The following TACR3 variants were observed in gnomAD, a reference collection of about 807,000 sequenced individuals.
TACR3 encodes neuromedin-K receptor.
A neutral mutation model predicts 35.0 loss-of-function variants in TACR3; 34 were observed. The ratio of observed to expected loss-of-function variants is 0.97; its 90% CI spans 0.74 to 1.30. The LOEUF is 1.30. Ranked by LOEUF, TACR3 falls within the 50% of genes most tolerant of loss-of-function variation. The pLI is 0.00. For synonymous variants in TACR3, 233 were observed against 221.1 expected (o/e 1.05, Z -0.48); for missense variants, 558 against 591.7 (o/e 0.94, Z 0.59).
intron 1 of TACR3, among the ~76,000 whole-genome samples, chr4:103,670,161 A>G (rs908305468): frequency 6.6e-6 from 1 of 151,892 alleles, no homozygotes; most frequent in African/African-American, 2.4e-5. Flanking sequence ...GATTTATTTC[A>G]TGGTTCTCTA....
chr4:103,687,155 ATC>A (rs907277022), intron 1 of TACR3, among the ~76,000 whole-genome samples: 3 of 152,200 alleles, frequency 2.0e-5, no homozygotes, highest in African/African-American at 7.2e-5. Flanking sequence ...CCACATGATT[ATC>A]TCAATAGATG....
chr4:103,598,505 G>T (rs1205976888), intron 3 of TACR3, among the ~76,000 whole-genome samples: 1 of 152,160 alleles, frequency 6.6e-6, no homozygotes, highest in African/African-American at 2.4e-5. Flanking sequence ...TGCTTTTGGT[G>T]TGTTAGACAT....
At chr4:103,618,754 G>A (rs1311066982) in intron 3 of TACR3, among the ~76,000 whole-genome samples, 1 of 151,762 alleles carries the variant, frequency 6.6e-6, no homozygotes, top group African/African-American at 2.4e-5. Flanking sequence ...ATTTATTTGT[G>A]TCCTCTCTGA....
At chr4:103,591,780 C>T (rs1723903194) in intron 3 of TACR3, 97 bp from the exon 4 acceptor site, 1 of 1,137,034 alleles carries the variant, frequency 8.8e-7, no homozygotes, top group South Asian at 1.3e-5. Context: ...CAGTTAAATA[C>T]ACATCATGCC....
intron 1 of TACR3, among the ~76,000 whole-genome samples, chr4:103,681,016 T>G (rs1722070857): frequency 6.6e-6 from 1 of 152,020 alleles, no homozygotes; most frequent in Non-Finnish European, 1.5e-5. Context: ...TTTAATAGGT[T>G]TGCTTTCTCT....
rs754389139 is a variant in TACR3 at position 103,591,526 on chromosome 4, G to A, written c.1046C>T (p.Thr349Ile). ...LASFWLAMSS[T>I]MYNPIIYCCL... The stretch of plus-strand genomic sequence containing the variant: ...GCAGTAGATGATGGGATTGTACATG[G>A]TTGAGCTCATTGCCAGCCAAAAGCT... Residue 349 changes from threonine (T) to isoleucine (I), a missense_variant, in exon 4 of 5, where the codon ACC becomes ATC. Coordinates refer to ENST00000304883, the MANE Select transcript of TACR3 (RefSeq NM_001059.3). 7 of 1,613,726 alleles carry A rather than the reference G, an allele frequency of 4.3e-6. No individual in the cohort carries two copies. The Admixed American group carries it at 1.0e-4, about 23-fold the overall frequency.
intron 1 of TACR3, among the ~76,000 whole-genome samples, chr4:103,701,781 C>G (rs1468721661): frequency 1.3e-5 from 2 of 151,748 alleles, no homozygotes; most frequent in African/African-American, 2.4e-5. Context: ...ACAAACCTGA[C>G]AAAAACAAGA....
rs180853361 is a variant in TACR3 at position 103,697,362 on chromosome 4, C to G, written c.548+21766G>C. Among the ~76,000 whole-genome samples, 581 of 151,944 alleles carry G rather than the reference C, an allele frequency of 3.8e-3. 5 individuals carry two copies. The highest frequency in any genetic ancestry group is 0.013 in the African/African-American group (551 of 41,460). ...ATGACGTGGTAACTGAAATGTGAGC[C>G]ATGTTGTTGGGGGCACTTGTGTTAT... is the stretch of plus-strand genomic sequence containing the variant. On this transcript the variant is annotated intron_variant, in intron 1 of 4. Coordinates refer to ENST00000304883, the MANE Select transcript of TACR3 (RefSeq NM_001059.3).
Position 103,638,368 on chromosome 4 carries a change from G to T in TACR3, c.888+17826C>A, listed in dbSNP as rs545444468. Among the ~76,000 whole-genome samples, 354 of 151,998 alleles carry T rather than the reference G, an allele frequency of 2.3e-3. 2 individuals carry two copies. The highest frequency in any genetic ancestry group is 0.017 in the Middle Eastern group (5 of 294). ...GATTCCCTATTTAATCAATGGTGCT[G>T]GGAAAACTGGCTAGCCATATGTAGA... On this transcript the variant is annotated intron_variant, in intron 3 of 4. Transcript: ENST00000304883.
chr4:103,637,979 A>T (rs950278564), intron 3 of TACR3, among the ~76,000 whole-genome samples: 1 of 152,188 alleles, frequency 6.6e-6, no homozygotes, highest in Non-Finnish European at 1.5e-5. Context: ...GCTCATGGGT[A>T]GGAAGAATCA....
intron 1 of TACR3, among the ~76,000 whole-genome samples, chr4:103,692,699 A>G (rs140219702): frequency 1.6e-4 from 24 of 152,306 alleles, no homozygotes; most frequent in Non-Finnish European, 2.9e-4. Context: ...AATCAGTGGA[A>G]CCACATCCAG....
intron 3 of TACR3, among the ~76,000 whole-genome samples, chr4:103,600,567 G>T (rs1724170849): frequency 6.6e-6 from 1 of 152,112 alleles, no homozygotes; most frequent in African/African-American, 2.4e-5. Context: ...GTCAATTTTA[G>T]ATCTTTCTTG....
At chr4:103,715,873 G>A (rs978492701) in intron 1 of TACR3, among the ~76,000 whole-genome samples, 1 of 151,842 alleles carries the variant, frequency 6.6e-6, no homozygotes, top group Non-Finnish European at 1.5e-5. Flanking sequence ...ACTTTCTCAA[G>A]TAAAACATAG....
chr4:103,648,190 C>T (rs990450738), intron 3 of TACR3, among the ~76,000 whole-genome samples: 1 of 151,914 alleles, frequency 6.6e-6, no homozygotes, highest in African/African-American at 2.4e-5. Context: ...TCTGTGGGTA[C>T]ATAGTAGAGG....
rs779736201 is a variant in TACR3, at chr4:103,588,296, C to G, written c.*1386G>C. 1.3e-5 allele frequency: 2 copies of G among 152,074 alleles called. No individual in the cohort carries two copies. Among genetic ancestry groups the G allele is most frequent in the Non-Finnish European group, 2.9e-5 (2 of 67,986 alleles). 9.4% of individuals were successfully genotyped at this position (152,074 alleles called of 1,614,324 possible). ...GAAGAGTTTAAAGGAGAAGTTTGTA[C>G]TACACATTCACATTCTCAAAAAGTT... On this transcript the variant is annotated 3_prime_UTR_variant, in exon 5 of 5. Transcript: ENST00000304883.
chr4:103,703,606 C>T (rs1487149379), intron 1 of TACR3, among the ~76,000 whole-genome samples: 1 of 152,052 alleles, frequency 6.6e-6, no homozygotes, highest in Non-Finnish European at 1.5e-5. Flanking sequence ...GGTGGAGCTG[C>T]AAACCCCAGT....
rs1163815753 is a variant in TACR3 at position 103,719,623 on chromosome 4, C to G, written c.53G>C (p.Gly18Ala). 7 of 1,613,612 alleles carry G rather than the reference C, an allele frequency of 4.3e-6. No homozygotes were observed. The highest frequency in any genetic ancestry group is 1.6e-4 in the Middle Eastern group (1 of 6,082). ...ETWIDGGGGV[G>A]ADAVNLTASL... ...GGCGGTCAGGTTCACGGCGTCTGCA[C>G]CCACGCCTCCACCCCCGTCTATCCA... The change falls in exon 1 of 5, where the codon GGT (glycine) becomes GCT (alanine). Residue 18 changes from glycine (G) to alanine (A), a missense_variant. Coordinates refer to ENST00000304883, the MANE Select transcript of TACR3 (RefSeq NM_001059.3).
intron 1 of TACR3, among the ~76,000 whole-genome samples, chr4:103,663,780 C>A (rs1051632278): frequency 6.6e-6 from 1 of 152,156 alleles, no homozygotes; most frequent in African/African-American, 2.4e-5. Flanking sequence ...TATTTTGTAA[C>A]TTTCTTCAGC....
chr4:103,717,814 T>C (rs1723123680), intron 1 of TACR3, among the ~76,000 whole-genome samples: 1 of 126,436 alleles, frequency 7.9e-6, no homozygotes, highest in Non-Finnish European at 1.5e-5. Flanking sequence ...AACTGGAGTC[T>C]GATTTTTTTT....
Sources: gnomAD v4.1 joint callset for allele counts (sites outside exome capture counted in the v4.1 genomes callset) on GRCh38, gnomAD v4.1.1 for gene constraint, MANE v1.5 for transcripts, NCBI Gene and HGNC (gene_info 2026-07-23, HGNC 2026-07-21) for gene names.